DENND1A: variants seen among roughly 807,000 people sequenced by gnomAD.
DENND1A encodes DENN domain containing 1A, also known as DENN domain-containing protein 1A.
A neutral mutation model predicts 113.7 loss-of-function variants in DENND1A; 51 were observed. The observed-to-expected ratio is 0.45, with a 90% CI of 0.36 to 0.57. The LOEUF is 0.57. Among genes scored for constraint, DENND1A ranks in the 20% least tolerant of loss-of-function variants. The pLI, the probability that DENND1A is intolerant of heterozygous loss-of-function variation, is 0.00. For missense variants in DENND1A, 1,258 were observed against 1,395.9 expected (o/e 0.90, Z 1.57); for synonymous variants, 565 against 570.8 (o/e 0.99, Z 0.14).
chr9:123,452,198 G>T, intron 17 of DENND1A, 78 bp downstream of exon 17: 1 of 1,381,856 alleles, frequency 7.2e-7, no homozygotes, highest in Admixed American at 1.7e-5. Flanking sequence ...AGTTTCAAAA[G>T]TAAGTAAATA....
At chr9:123,578,942 CTG>C (rs2058754151) in intron 12 of DENND1A, among the ~76,000 whole-genome samples, 1 of 151,994 alleles carries the variant, frequency 6.6e-6, no homozygotes, top group Non-Finnish European at 1.5e-5. Context: ...AGGTAAGACA[CTG>C]GGACAAAAGA....
intron 20 of DENND1A, among the ~76,000 whole-genome samples, chr9:123,410,979 G>A (rs534993019): frequency 1.8e-4 from 27 of 152,222 alleles, no homozygotes; most frequent in African/African-American, 5.3e-4. Context: ...TGCTTAACAC[G>A]GGACCCAGAC....
chr9:123,670,508 T>C lies in DENND1A; in HGVS notation c.453+783A>G, dbSNP rs538561628. 1.1e-4 allele frequency among the ~76,000 whole-genome samples: 16 copies of C among 152,356 alleles called. No homozygotes were observed. The South Asian group carries it at 1.9e-3, about 18-fold the overall frequency. ...TTGAAGCCCACGAGGTTAAAGGTCC[T>C]GATTAAGATCACTCAGGTCATTGGC... On this transcript the variant is annotated intron_variant, in intron 7 of 23. Transcript: ENST00000394215.
intron 9 of DENND1A, among the ~76,000 whole-genome samples, chr9:123,646,144 C>T (rs117495049): frequency 0.032 from 4,827 of 152,198 alleles, 135 homozygotes; most frequent in South Asian, 0.049. Context: ...TTATTATAAA[C>T]GTCTGCAAAA....
chr9:123,633,550 G>A (rs549840219), intron 9 of DENND1A, among the ~76,000 whole-genome samples: 5 of 152,124 alleles, frequency 3.3e-5, no homozygotes, highest in South Asian at 4.2e-4. Context: ...TGAGGTGGGC[G>A]GATCACTTGA....
intron 2 of DENND1A, among the ~76,000 whole-genome samples, chr9:123,817,900 G>T (rs1471253241): frequency 2.6e-5 from 4 of 151,574 alleles, no homozygotes; most frequent in Non-Finnish European, 5.9e-5. Flanking sequence ...GGTGGCAGGC[G>T]CCTGTAATCC....
At chr9:123,807,471 G>A (rs1835788065) in intron 2 of DENND1A, among the ~76,000 whole-genome samples, 3 of 152,040 alleles carry the variant, frequency 2.0e-5, no homozygotes, top group South Asian at 2.1e-4. Context: ...ATCATTTCTC[G>A]TCTTCGACTG....
At chr9:123,878,203 CAAA>C (rs35005889) in intron 2 of DENND1A, among the ~76,000 whole-genome samples, 5 of 135,030 alleles carry the variant, frequency 3.7e-5, no homozygotes, top group African/African-American at 7.7e-5. Flanking sequence ...AACTCCATCT[CAAA>C]AAAAAAAAAA....
At chr9:123,744,099 G>A (rs972660436) in intron 5 of DENND1A, among the ~76,000 whole-genome samples, 4 of 152,202 alleles carry the variant, frequency 2.6e-5, no homozygotes, top group Non-Finnish European at 5.9e-5. Flanking sequence ...ATTGTGCAGT[G>A]AATATTTGGA....
chr9:123,599,172 T>A (rs919235814), intron 11 of DENND1A, among the ~76,000 whole-genome samples: 7 of 152,204 alleles, frequency 4.6e-5, no homozygotes, highest in African/African-American at 1.4e-4. Context: ...TTGAATCCAA[T>A]AGCCAAAGAA....
intron 20 of DENND1A, chr9:123,411,166 T>A (rs1291292822): frequency 6.6e-6 from 1 of 151,808 alleles, no homozygotes; most frequent in African/African-American, 2.4e-5. Context: ...CAATCATAGC[T>A]CACTGTAGCC....
At chr9:123,757,912 C>A in intron 4 of DENND1A, 90 bp from the exon 5 acceptor site, 10 of 1,378,266 alleles carry the variant, frequency 7.3e-6, no homozygotes, top group East Asian at 3.1e-5. Flanking sequence ...GAACTTATAA[C>A]ATTTCCTCTC....
chr9:123,669,868 C>A (rs1003642794), intron 7 of DENND1A, among the ~76,000 whole-genome samples: 1 of 151,848 alleles, frequency 6.6e-6, no homozygotes, highest in Non-Finnish European at 1.5e-5. Flanking sequence ...TTCATTTTTT[C>A]TTCCTTCCTT....
chr9:123,543,951 A>G (rs2056471008), intron 13 of DENND1A, among the ~76,000 whole-genome samples: 1 of 152,220 alleles, frequency 6.6e-6, no homozygotes, highest in Non-Finnish European at 1.5e-5. Context: ...GGTGGGGACC[A>G]CTATTGTAAG....
At chr9:123,614,584 G>A (rs1288641666) in intron 10 of DENND1A, among the ~76,000 whole-genome samples, 5 of 151,522 alleles carry the variant, frequency 3.3e-5, no homozygotes, top group African/African-American at 9.7e-5. Context: ...AAGGAACACT[G>A]GCTGCTTAAA....
intron 1 of DENND1A, among the ~76,000 whole-genome samples, chr9:123,900,246 C>A (rs1588145101): frequency 2.0e-5 from 3 of 152,072 alleles, no homozygotes; most frequent in African/African-American, 7.2e-5. Context: ...AAGAACGAAA[C>A]CCAGTCAACA....
intron 12 of DENND1A, among the ~76,000 whole-genome samples, chr9:123,568,019 A>G (rs1379656727): frequency 1.3e-5 from 2 of 152,238 alleles, no homozygotes; most frequent in East Asian, 3.8e-4. Context: ...TCAGATTTAG[A>G]TGAGTACAAA....
intron 2 of DENND1A, among the ~76,000 whole-genome samples, chr9:123,878,569 T>C (rs1386602855): frequency 6.6e-6 from 1 of 152,244 alleles, no homozygotes. Context: ...ATTTCCTTTA[T>C]ATTATTTTGT....
chr9:123,557,436 C>T (rs979807175), intron 13 of DENND1A, 134 bp downstream of exon 13: 2 of 1,351,196 alleles, frequency 1.5e-6, no homozygotes, highest in Admixed American at 2.2e-5. Context: ...TACACTGTCC[C>T]CCACCACAAA....
Sources: allele counts gnomAD v4.1 joint callset (sites outside exome capture counted in the v4.1 genomes callset), GRCh38; gene constraint gnomAD v4.1.1; transcripts MANE v1.5; gene names NCBI Gene and HGNC (gene_info 2026-07-23, HGNC 2026-07-21).